Variants in ADCY8 observed in about 807,000 individuals in gnomAD.
ADCY8 encodes the protein adenylate cyclase type 8.
In ADCY8, 51 loss-of-function variants were observed where a neutral mutation model predicts 119.7. The observed-to-expected ratio is 0.43, with a 90% CI of 0.34 to 0.54. The LOEUF is 0.54. ADCY8 is among the 20% of genes least tolerant of loss of function. The pLI is 0.03. For missense variants in ADCY8, 1,383 were observed against 1,598.8 expected (o/e 0.87, Z 2.30); for synonymous variants, 665 against 651.0 (o/e 1.02, Z -0.33).
chr8:130,858,417 C>G lies in ADCY8; in HGVS notation c.2211-8614G>C, dbSNP rs531439149. ...GAATACTGGTGAGGTGTTTTGTAGA[C>G]TGTCCCTCAATTGAGATTTGTCTGA... On this transcript the variant is annotated intron_variant, in intron 9 of 17. Coordinates refer to ENST00000286355, the MANE Select transcript of ADCY8 (RefSeq NM_001115.3). Among the ~76,000 whole-genome samples, 180 of 152,274 alleles carry G rather than the reference C, an allele frequency of 1.2e-3. 1 individual carries two copies. Among genetic ancestry groups the G allele is most frequent in the African/African-American group, 4.3e-3 (178 of 41,546 alleles).
intron 2 of ADCY8, among the ~76,000 whole-genome samples, chr8:130,976,639 T>C (rs1239627767): frequency 6.6e-6 from 1 of 152,214 alleles, no homozygotes; most frequent in Non-Finnish European, 1.5e-5. Context: ...TAAAAAATAT[T>C]GAATTTATAT....
At chr8:130,841,044 C>T (rs185065267) in intron 11 of ADCY8, among the ~76,000 whole-genome samples, 3 of 152,190 alleles carry the variant, frequency 2.0e-5, no homozygotes, top group South Asian at 2.1e-4. Flanking sequence ...CCCCTACAGA[C>T]GTGGAGGTGT....
Position 131,040,269 on chromosome 8 carries a change from G to T in ADCY8, c.65C>A (p.Pro22His), listed in dbSNP as rs1454904086. The T allele has an allele frequency of 1.9e-6, 3 of 1,562,436 alleles. No individual in the cohort carries two copies. Among genetic ancestry groups the T allele is most frequent in the Non-Finnish European group, 2.6e-6 (3 of 1,160,724 alleles). The change falls in exon 1 of 18, where the codon CCC (proline) becomes CAC (histidine). Residue 22 changes from proline to histidine, a missense_variant. Transcript: ENST00000286355. ...GGCGCTCCTGCCGTCGCCGGCCGGG[G>T]GCGTCGGGTGGATGGTGTAGAGTTC... ...SEELYTIHPTPPAGDGRSASR... is the reference protein window; with the variant it reads ...SEELYTIHPTHPAGDGRSASR...
intron 11 of ADCY8, among the ~76,000 whole-genome samples, chr8:130,843,902 G>T (rs1439742300): frequency 3.3e-5 from 5 of 152,174 alleles, no homozygotes; most frequent in African/African-American, 1.2e-4. Flanking sequence ...ATGTGAGATG[G>T]CAGGAAGGAG....
chr8:130,893,656 A>AGG (rs1445652930), intron 7 of ADCY8, among the ~76,000 whole-genome samples: 1 of 84,110 alleles, frequency 1.2e-5, no homozygotes. Context: ...GGGGAGAAGA[A>AGG]GGTGTGTGTG....
At chr8:130,856,076 C>T (rs1817721219) in intron 9 of ADCY8, among the ~76,000 whole-genome samples, 1 of 152,082 alleles carries the variant, frequency 6.6e-6, no homozygotes. Flanking sequence ...CTTAATCCTT[C>T]TCAGTCTTTT....
intron 14 of ADCY8, among the ~76,000 whole-genome samples, chr8:130,805,988 G>A (rs263235): frequency 0.38 from 57,831 of 152,008 alleles, 11,330 homozygotes; most frequent in African/African-American, 0.49. Context: ...CCCCAGTCTG[G>A]TGGGGTAAAG....
At chr8:130,872,562 G>A (rs1818406904) in intron 8 of ADCY8, among the ~76,000 whole-genome samples, 1 of 152,198 alleles carries the variant, frequency 6.6e-6, no homozygotes, top group African/African-American at 2.4e-5. Context: ...TGTAAATCTT[G>A]GTTAGAATGA....
At chr8:131,029,048 C>T (rs994425548) in intron 1 of ADCY8, among the ~76,000 whole-genome samples, 9 of 152,214 alleles carry the variant, frequency 5.9e-5, no homozygotes, top group Non-Finnish European at 1.2e-4. Context: ...GTATTTACAG[C>T]CACTCCCCAT....
chr8:130,805,672 G>A (rs544607241), intron 14 of ADCY8, among the ~76,000 whole-genome samples: 1 of 152,326 alleles, frequency 6.6e-6, no homozygotes, highest in East Asian at 1.9e-4. Flanking sequence ...AGATAAGGAT[G>A]GATTGGACAA....
In ADCY8 at chr8:130,787,920, C is replaced by T. The variant is rs77626122; in HGVS notation, c.3061-2445G>A. On this transcript the variant is annotated intron_variant, in intron 15 of 17. Transcript: ENST00000286355. ...GTCCACATGTGTGCATGTGTGTGTG[C>T]GTTTGTGTTCGGGGCAGTCAGGCGG... 5.6e-3 allele frequency among the ~76,000 whole-genome samples: 859 copies of T among 152,084 alleles called. 19 individuals are homozygous for T. The highest frequency in any genetic ancestry group is 0.036 in the Admixed American group (554 of 15,278).
chr8:131,037,787 A>C (rs559529396), intron 1 of ADCY8, among the ~76,000 whole-genome samples: 2 of 152,346 alleles, frequency 1.3e-5, no homozygotes, highest in South Asian at 4.1e-4. Context: ...TGGCATGTAG[A>C]TCTTCATGTA....
Position 130,990,778 on chromosome 8 carries a change from G to C in ADCY8, c.961-236C>G, listed in dbSNP as rs937553472. The C allele has an allele frequency of 2.6e-5, 10 of 386,250 alleles. No individual in the cohort carries two copies. The East Asian group carries it at 4.2e-4, about 16-fold the overall frequency. The allele number at this position is 386,250 out of a possible 1,614,324, so 23.9% of individuals were successfully genotyped here. On this transcript the variant is annotated intron_variant, in intron 1 of 17. Transcript: ENST00000286355. ...TAAGGCTTCTTTCTCCCCAGGTTTA[G>C]ACTGGAGTCTTCATGGGAAACCTGC... is the stretch of plus-strand genomic sequence containing the variant.
chr8:130,883,132 T>C (rs762409768), intron 8 of ADCY8, among the ~76,000 whole-genome samples: 6 of 151,716 alleles, frequency 4.0e-5, no homozygotes, highest in Non-Finnish European at 8.8e-5. Flanking sequence ...AAACTATCTG[T>C]AGTATGCACG....
At chr8:130,889,295 C>G (rs558907746) in intron 7 of ADCY8, among the ~76,000 whole-genome samples, 1 of 152,240 alleles carries the variant, frequency 6.6e-6, no homozygotes, top group South Asian at 2.1e-4. Flanking sequence ...ATGCCTGATA[C>G]TTTGTAGTCA....
rs1420748380 is a variant in ADCY8, at chr8:130,879,941, G to A, written c.2109+4623C>T. Among the ~76,000 whole-genome samples, 8 of 152,278 alleles carry A rather than the reference G, an allele frequency of 5.3e-5. No homozygotes were observed. In the East Asian group the frequency reaches 9.7e-4, roughly 18 times the overall value. On this transcript the variant is annotated intron_variant, in intron 8 of 17. Transcript: ENST00000286355. The stretch of plus-strand genomic sequence containing the variant: ...TGTTGTGGGAGGGACCCAGTGGGGC[G>A]ATGACTGAATCATGGGGGTGGGTCT...
intron 3 of ADCY8, among the ~76,000 whole-genome samples, chr8:130,948,414 A>C (rs1821169531): frequency 6.6e-6 from 1 of 152,128 alleles, no homozygotes; most frequent in South Asian, 2.1e-4. Flanking sequence ...AGTCAATTTG[A>C]GCGTTCAAAG....
intron 15 of ADCY8, among the ~76,000 whole-genome samples, chr8:130,787,624 A>T (rs557484477): frequency 2.0e-5 from 3 of 152,134 alleles, no homozygotes; most frequent in African/African-American, 7.2e-5. Flanking sequence ...TGATGTGTGT[A>T]TGTCTACATG....
At chr8:130,889,864 G>A (rs78176398) in intron 7 of ADCY8, among the ~76,000 whole-genome samples, 1,946 of 152,136 alleles carry the variant, frequency 0.013, 47 homozygotes, top group African/African-American at 0.044. Context: ...GTAGCATCTA[G>A]GCATGTATCC....
Sources: allele counts gnomAD v4.1 joint callset (sites outside exome capture counted in the v4.1 genomes callset), GRCh38; gene constraint gnomAD v4.1.1; transcripts MANE v1.5; gene names NCBI Gene and HGNC (gene_info 2026-07-23, HGNC 2026-07-21).